Variants in SMYD3 observed in about 807,000 individuals in gnomAD.
SMYD3 encodes the protein SET and MYND domain containing 3.
Under a neutral mutation model 57.7 loss-of-function variants are expected in SMYD3, and 36 were observed. That is an observed-to-expected ratio of 0.62 (90% CI 0.48 to 0.82). The LOEUF (loss-of-function observed/expected upper bound fraction) is 0.82. Among genes scored for constraint, SMYD3 ranks in the 40% least tolerant of loss-of-function variants. The pLI, the probability that SMYD3 is intolerant of heterozygous loss-of-function variation, is 0.00. For missense variants in SMYD3, 515 were observed against 538.8 expected (o/e 0.96, Z 0.44); for synonymous variants, 211 against 195.0 (o/e 1.08, Z -0.68).
At chr1:246,351,980 G>GA (rs1286832302) in intron 2 of SMYD3, among the ~76,000 whole-genome samples, 2 of 151,476 alleles carry the variant, frequency 1.3e-5, no homozygotes, top group Non-Finnish European at 2.9e-5. Context: ...TACTAAAATA[G>GA]AAAAAATTAG....
intron 5 of SMYD3, among the ~76,000 whole-genome samples, chr1:246,228,228 C>T (rs2063358959): frequency 6.6e-6 from 1 of 152,206 alleles, no homozygotes; most frequent in South Asian, 2.1e-4. Context: ...CCTCAGCCTC[C>T]CAAAGTACTG....
At chr1:246,138,055 T>A (rs2061690034) in intron 5 of SMYD3, among the ~76,000 whole-genome samples, 1 of 152,142 alleles carries the variant, frequency 6.6e-6, no homozygotes, top group African/African-American at 2.4e-5. Context: ...CCTTTAATGA[T>A]AAAAAGATAT....
At chr1:246,363,487 A>G (rs1262499104) in intron 1 of SMYD3, among the ~76,000 whole-genome samples, 2 of 152,154 alleles carry the variant, frequency 1.3e-5, no homozygotes. Flanking sequence ...AAAGGGGGAA[A>G]GGTGGGGAAA....
At chr1:246,303,742 A>G (rs1373353565) in intron 5 of SMYD3, among the ~76,000 whole-genome samples, 1 of 152,138 alleles carries the variant, frequency 6.6e-6, no homozygotes, top group Non-Finnish European at 1.5e-5. Context: ...AATATCAGCT[A>G]TTATTATTGG....
At chr1:245,794,871 C>G (rs953724740) in intron 10 of SMYD3, among the ~76,000 whole-genome samples, 5 of 151,964 alleles carry the variant, frequency 3.3e-5, no homozygotes, top group Admixed American at 3.3e-4. Flanking sequence ...ATGTTTGTCC[C>G]CCAATCCCAG....
At chr1:245,902,260 G>A (rs1434866495) in intron 8 of SMYD3, among the ~76,000 whole-genome samples, 4 of 152,184 alleles carry the variant, frequency 2.6e-5, no homozygotes, top group African/African-American at 9.7e-5. Flanking sequence ...CTGCCCCCAT[G>A]ACAAATGGAG....
chr1:246,401,879 C>G (rs990120382), intron 1 of SMYD3, among the ~76,000 whole-genome samples: 1 of 151,834 alleles, frequency 6.6e-6, no homozygotes, highest in Admixed American at 6.6e-5. Context: ...TGTGCCACCA[C>G]GCCCGGCTAA....
rs551673535 is a variant in SMYD3 at position 246,059,269 on chromosome 1, C to T, written c.532-129332G>A. The stretch of plus-strand genomic sequence containing the variant: ...CCTTTGGGTCTGATGTTACAGCCAA[C>T]TCAAGTGGCAGGCTTTTGCTAGATT... On this transcript the variant is annotated intron_variant, in intron 5 of 11. Coordinates refer to ENST00000490107, the MANE Select transcript of SMYD3 (RefSeq NM_001167740.2). Among the ~76,000 whole-genome samples the T allele has an allele frequency of 5.9e-5, 9 of 152,140 alleles. No homozygotes were observed. In the East Asian group the frequency reaches 1.4e-3, roughly 23 times the overall value.
At chr1:246,409,080 T>C (rs550280640) in intron 1 of SMYD3, among the ~76,000 whole-genome samples, 1 of 152,304 alleles carries the variant, frequency 6.6e-6, no homozygotes, top group Non-Finnish European at 1.5e-5. Flanking sequence ...ATATTAGCCC[T>C]TTGTCAGATG....
chr1:245,839,662 T>C (rs10802280), intron 10 of SMYD3, among the ~76,000 whole-genome samples: 61,470 of 151,844 alleles, frequency 0.4, 14,311 homozygotes, highest in East Asian at 0.87. Flanking sequence ...ACCCAGTGAT[T>C]TGTGTACTTT....
In SMYD3 at chr1:246,285,070, G is replaced by A. The variant is rs140247167; in HGVS notation, c.531+42131C>T. On this transcript the variant is annotated intron_variant, in intron 5 of 11. Coordinates refer to ENST00000490107, the MANE Select transcript of SMYD3 (RefSeq NM_001167740.2). ...AGATTTTGATGCACCCATCACCCGAGCAATATACACTGAACCGAATTTGTG... is the reference window on the plus strand; with the variant it reads ...AGATTTTGATGCACCCATCACCCGAACAATATACACTGAACCGAATTTGTG... 5.5e-3 allele frequency among the ~76,000 whole-genome samples: 833 copies of A among 151,966 alleles called. 7 individuals carry two copies. Among genetic ancestry groups the A allele is most frequent in the African/African-American group, 0.018 (737 of 41,440 alleles).
intron 1 of SMYD3, among the ~76,000 whole-genome samples, chr1:246,488,871 A>AAAATTTTATGAGT (rs1202822339): frequency 6.6e-6 from 1 of 152,210 alleles, no homozygotes; most frequent in Non-Finnish European, 1.5e-5. Context: ...AACAGGTATC[A>AAAATTTTATGAGT]AAATTTTATG....
chr1:245,762,485 G>A (rs1284299418), intron 11 of SMYD3, among the ~76,000 whole-genome samples: 1 of 152,166 alleles, frequency 6.6e-6, no homozygotes, highest in Non-Finnish European at 1.5e-5. Context: ...GCTGTACCTT[G>A]CTGATTCGAC....
At chr1:246,069,121 G>A (rs1208794886) in intron 5 of SMYD3, among the ~76,000 whole-genome samples, 1 of 152,178 alleles carries the variant, frequency 6.6e-6, no homozygotes. Context: ...CTGGAGCACA[G>A]AGATAACCGC....
intron 8 of SMYD3, among the ~76,000 whole-genome samples, chr1:245,905,144 T>A (rs2054475955): frequency 6.6e-6 from 1 of 151,854 alleles, no homozygotes; most frequent in Admixed American, 6.6e-5. Context: ...ACTTGCTGGC[T>A]TCAGGTGAGA....
intron 5 of SMYD3, among the ~76,000 whole-genome samples, chr1:246,270,531 T>C (rs2064200553): frequency 6.6e-6 from 1 of 152,226 alleles, no homozygotes; most frequent in South Asian, 2.1e-4. Flanking sequence ...CTCTAAGATT[T>C]TGACTCCTCT....
At chr1:245,902,422 A>G (rs1195882806) in intron 8 of SMYD3, among the ~76,000 whole-genome samples, 1 of 152,232 alleles carries the variant, frequency 6.6e-6, no homozygotes, top group Admixed American at 6.5e-5. Flanking sequence ...CAATGTCCAG[A>G]GGCCCCATCT....
At chr1:246,100,582 T>A (rs1354837710) in intron 5 of SMYD3, among the ~76,000 whole-genome samples, 6 of 152,202 alleles carry the variant, frequency 3.9e-5, no homozygotes, top group Non-Finnish European at 8.8e-5. Flanking sequence ...GAGACCAGGG[T>A]TCTGGTTCCA....
chr1:246,019,277 C>T (rs1447433651), intron 5 of SMYD3, among the ~76,000 whole-genome samples: 1 of 152,184 alleles, frequency 6.6e-6, no homozygotes, highest in Non-Finnish European at 1.5e-5. Context: ...GCTACACACC[C>T]TACAATGCAC....
Sources: allele counts gnomAD v4.1 joint callset (sites outside exome capture counted in the v4.1 genomes callset), GRCh38; gene constraint gnomAD v4.1.1; transcripts MANE v1.5; gene names NCBI Gene and HGNC (gene_info 2026-07-23, HGNC 2026-07-21).